Variants in ERC2 observed in about 807,000 individuals in gnomAD.
ERC2 encodes the protein ELKS/RAB6-interacting/CAST family member 2, also known as ERC protein 2.
In ERC2, 42 loss-of-function variants were observed where a neutral mutation model predicts 114.8. The observed-to-expected ratio is 0.37, with a 90% CI of 0.29 to 0.47. The LOEUF (loss-of-function observed/expected upper bound fraction) is 0.47. Among genes scored for constraint, ERC2 ranks in the 20% least tolerant of loss-of-function variants. The pLI is 0.99. For missense variants in ERC2, 939 were observed against 1,150.7 expected, an observed-to-expected ratio of 0.82 and a Z score of 2.66; for synonymous variants, 454 against 425.5, an observed-to-expected ratio of 1.07 and a Z score of -0.82.
intron 6 of ERC2, among the ~76,000 whole-genome samples, chr3:56,135,138 A>G (rs984764863): frequency 6.6e-6 from 1 of 151,926 alleles, no homozygotes; most frequent in African/African-American, 2.4e-5. Context: ...TTATTAGTAG[A>G]GATAGGGTTT....
intron 13 of ERC2, among the ~76,000 whole-genome samples, chr3:55,897,281 G>T (rs1190762062): frequency 6.6e-6 from 1 of 152,170 alleles, no homozygotes; most frequent in Non-Finnish European, 1.5e-5. Flanking sequence ...CTTTTCAAGA[G>T]GCTTGCTTGG....
chr3:56,466,810 G>T (rs2107600792), intron 1 of ERC2, among the ~76,000 whole-genome samples: 1 of 152,260 alleles, frequency 6.6e-6, no homozygotes, highest in African/African-American at 2.4e-5. Context: ...GACTTTACAA[G>T]GACAAGAGTG....
At chr3:56,080,213 G>A (rs950036704) in intron 7 of ERC2, among the ~76,000 whole-genome samples, 2 of 152,094 alleles carry the variant, frequency 1.3e-5, no homozygotes, top group South Asian at 2.1e-4. Context: ...AAAGAAAATC[G>A]GGAATGCTAT....
chr3:55,831,721 C>T (rs1018461211), intron 14 of ERC2, among the ~76,000 whole-genome samples: 1 of 152,072 alleles, frequency 6.6e-6, no homozygotes, highest in Non-Finnish European at 1.5e-5. Context: ...TCTGAGGTAC[C>T]GCGTTCATCC....
chr3:55,889,404 C>T (rs185850664), intron 13 of ERC2, among the ~76,000 whole-genome samples: 1 of 152,190 alleles, frequency 6.6e-6, no homozygotes, highest in East Asian at 1.9e-4. Flanking sequence ...TGAGAGGGTT[C>T]TAAACTTGAA....
In ERC2 at chr3:56,383,791, G is replaced by A. The variant is rs184072562; in HGVS notation, c.657+50560C>T. 1.1e-3 allele frequency among the ~76,000 whole-genome samples: 169 copies of A among 152,182 alleles called. 1 individual carries two copies. Among genetic ancestry groups the A allele is most frequent in the Middle Eastern group, 6.8e-3 (2 of 294 alleles). ...CAATCATCACCACCATCCATCTCCAGAACATTTTTCATCTTCCCAAACTGA... is the reference window on the plus strand; with the variant it reads ...CAATCATCACCACCATCCATCTCCAAAACATTTTTCATCTTCCCAAACTGA... On this transcript the variant is annotated intron_variant, in intron 2 of 17. Transcript: ENST00000288221.
intron 17 of ERC2, among the ~76,000 whole-genome samples, chr3:55,557,976 G>A (rs568481472): frequency 5.9e-5 from 9 of 152,302 alleles, no homozygotes; most frequent in Admixed American, 2.0e-4. Context: ...TGAAATTCTG[G>A]CTCCAGTGCT....
intron 2 of ERC2, among the ~76,000 whole-genome samples, chr3:56,368,713 G>A (rs1244693794): frequency 2.6e-5 from 4 of 151,898 alleles, no homozygotes; most frequent in Non-Finnish European, 4.4e-5. Flanking sequence ...ATATTACAAC[G>A]GAATCATGTA....
At chr3:55,684,292 G>A (rs544578037) in intron 16 of ERC2, among the ~76,000 whole-genome samples, 1 of 151,670 alleles carries the variant, frequency 6.6e-6, no homozygotes, top group South Asian at 2.1e-4. Context: ...TATCAATAAA[G>A]GCTGAAGAAT....
chr3:55,981,924 C>A (rs1271386817), intron 12 of ERC2, among the ~76,000 whole-genome samples: 4 of 152,170 alleles, frequency 2.6e-5, no homozygotes, highest in South Asian at 4.1e-4. Flanking sequence ...AGCATGACTG[C>A]CGCCTCCCAT....
intron 17 of ERC2, among the ~76,000 whole-genome samples, chr3:55,565,960 T>C (rs537404208): frequency 3.2e-4 from 48 of 152,328 alleles, no homozygotes; most frequent in African/African-American, 1.1e-3. Context: ...CCAAATTTCT[T>C]CTTCCTTATA....
At chr3:55,631,851 G>A (rs574577269) in intron 17 of ERC2, among the ~76,000 whole-genome samples, 1 of 152,342 alleles carries the variant, frequency 6.6e-6, no homozygotes, top group African/African-American at 2.4e-5. Flanking sequence ...TGTTTACCAT[G>A]TATCTATTCT....
chr3:55,641,549 C>CAA (rs57407975), intron 17 of ERC2, among the ~76,000 whole-genome samples: 527 of 28,374 alleles, frequency 0.019, 86 homozygotes, highest in Non-Finnish European at 0.02. Flanking sequence ...GATTCTATCT[C>CAA]AAAAAAAAAA....
chr3:56,243,954 G>A (rs1576043172), intron 3 of ERC2, among the ~76,000 whole-genome samples: 1 of 152,202 alleles, frequency 6.6e-6, no homozygotes, highest in African/African-American at 2.4e-5. Context: ...TGGAAGACAA[G>A]GCTCAACAGG....
intron 12 of ERC2, among the ~76,000 whole-genome samples, chr3:55,958,173 A>G (rs7639909): frequency 0.028 from 4,201 of 152,246 alleles, 86 homozygotes; most frequent in Non-Finnish European, 0.042. Context: ...GGTCATCCCA[A>G]TGAGTGTTCA....
chr3:55,838,938 A>G (rs1403641503), intron 14 of ERC2, among the ~76,000 whole-genome samples: 1 of 151,938 alleles, frequency 6.6e-6, no homozygotes, highest in Non-Finnish European at 1.5e-5. Context: ...CTACTCATGA[A>G]GGTACCATAA....
intron 16 of ERC2, among the ~76,000 whole-genome samples, chr3:55,685,809 G>A (rs9850525): frequency 0.034 from 5,162 of 152,194 alleles, 310 homozygotes; most frequent in African/African-American, 0.12. Context: ...CACAGCCTAC[G>A]GCCACTGCCG....
chr3:56,462,758 G>A (rs750027467), intron 1 of ERC2, among the ~76,000 whole-genome samples: 1 of 152,156 alleles, frequency 6.6e-6, no homozygotes, highest in African/African-American at 2.4e-5. Flanking sequence ...TCTTGAGAAG[G>A]TATGTATCAG....
chr3:55,668,342 T>C (rs9831614), intron 17 of ERC2, among the ~76,000 whole-genome samples: 11,404 of 152,212 alleles, frequency 0.075, 1,464 homozygotes, highest in African/African-American at 0.26. Flanking sequence ...CTTCTACCTC[T>C]GAGTTGTGTG....
Sources: allele counts gnomAD v4.1 joint callset (sites outside exome capture counted in the v4.1 genomes callset), GRCh38; gene constraint gnomAD v4.1.1; transcripts MANE v1.5; gene names NCBI Gene and HGNC (gene_info 2026-07-23, HGNC 2026-07-21).